TOX2: variants seen among roughly 807,000 people sequenced by gnomAD.
TOX2 encodes the protein TOX high mobility group box family member 2, also known as granulosa cell HMG box 1.
Under a neutral mutation model 47.4 loss-of-function variants are expected in TOX2, and 15 were observed. The observed-to-expected ratio is 0.32, with a 90% confidence interval of 0.21 to 0.49. TOX2 has a LOEUF of 0.49. Among genes scored for constraint, TOX2 ranks in the 20% least tolerant of loss-of-function variants. TOX2 has a pLI of 0.99. For missense variants in TOX2, 622 were observed against 673.1 expected, an observed-to-expected ratio of 0.92 and a Z score of 0.84; for synonymous variants, 290 against 296.6, an observed-to-expected ratio of 0.98 and a Z score of 0.23.
chr20:44,038,400 G>A (rs374527504), intron 3 of TOX2, among the ~76,000 whole-genome samples: 8 of 152,084 alleles, frequency 5.3e-5, no homozygotes, highest in Middle Eastern at 3.4e-3. Context: ...TTAAGGAGAC[G>A]TTTCTGAACC....
At chr20:43,946,026 G>A in intron 1 of TOX2, 1 of 1,614,040 alleles carries the variant, frequency 6.2e-7, no homozygotes, top group Non-Finnish European at 8.5e-7. Context: ...TTGCAGGTGT[G>A]TTTCCGCAGA....
chr20:43,970,346 T>C (rs2069943209), intron 1 of TOX2, among the ~76,000 whole-genome samples: 1 of 152,260 alleles, frequency 6.6e-6, no homozygotes, highest in Admixed American at 6.5e-5. Flanking sequence ...CCAGGAATAT[T>C]CATTCTGTCA....
At chr20:44,068,515 G>T (rs2071875545) in intron 8 of TOX2, 135 bp from the exon 9 acceptor site, 176 of 844,134 alleles carry the variant, frequency 2.1e-4, no homozygotes, top group East Asian at 3.6e-4. Context: ...ACTTGCAGAT[G>T]CAAGTCCCTC....
chr20:43,983,712 G>A (rs952880044), intron 2 of TOX2, among the ~76,000 whole-genome samples: 1 of 152,140 alleles, frequency 6.6e-6, no homozygotes, highest in Non-Finnish European at 1.5e-5. Context: ...TGATGATACC[G>A]ATGATCAATA....
chr20:44,052,918 C>T (rs543506996), intron 4 of TOX2, among the ~76,000 whole-genome samples: 13 of 152,182 alleles, frequency 8.5e-5, no homozygotes, highest in Admixed American at 3.3e-4. Context: ...GGTCACACCA[C>T]GGTGCTAACA....
At chr20:43,949,045 GTCC>G (rs1469712547) in intron 1 of TOX2, among the ~76,000 whole-genome samples, 1 of 152,140 alleles carries the variant, frequency 6.6e-6, no homozygotes, top group African/African-American at 2.4e-5. Flanking sequence ...TGATTTGCAT[GTCC>G]TCACCCCAGG....
chr20:44,052,331 A>T (rs8121153), intron 4 of TOX2, among the ~76,000 whole-genome samples: 2,048 of 152,292 alleles, frequency 0.013, 46 homozygotes, highest in African/African-American at 0.046. Flanking sequence ...ATCTTGTCTT[A>T]CCAGGGAGGA....
intron 1 of TOX2, among the ~76,000 whole-genome samples, chr20:43,955,635 T>G (rs2069654537): frequency 6.6e-6 from 1 of 152,212 alleles, no homozygotes; most frequent in South Asian, 2.1e-4. Flanking sequence ...TCCCTTGCCC[T>G]TGGCACTTTT....
At chr20:44,041,271 G>A (rs2071327376) in intron 3 of TOX2, among the ~76,000 whole-genome samples, 1 of 152,172 alleles carries the variant, frequency 6.6e-6, no homozygotes, top group Non-Finnish European at 1.5e-5. Flanking sequence ...TTCCCATTTG[G>A]CCACTTTTCT....
chr20:43,994,300 A>G, intron 2 of TOX2, among the ~76,000 whole-genome samples: 1 of 118,736 alleles, frequency 8.4e-6, no homozygotes, highest in Non-Finnish European at 1.8e-5. Flanking sequence ...ACCCATCTCT[A>G]CAAAAAAAAT....
rs149877478 is a variant in TOX2, at chr20:44,051,352, G to A, written c.458G>A (p.Arg153Gln). 1.7e-5 allele frequency: 27 copies of A among 1,613,190 alleles called. No homozygotes were observed. The highest frequency in any genetic ancestry group is 3.3e-4 in the Middle Eastern group (2 of 6,072). ...GAAGTGGCTGCCTATGACTCGGGCC[G>A]GCCCGGGCCCCTGCTGGGTCGCCCG... ...HSEVAAYDSG[R>Q]PGPLLGRPAM... Residue 153 changes from arginine (R) to glutamine (Q), a missense_variant, in exon 4 of 9, where the codon CGG (arginine) becomes CAG (glutamine). Coordinates refer to ENST00000341197, the MANE Select transcript of TOX2 (RefSeq NM_001098797.2).
intron 1 of TOX2, among the ~76,000 whole-genome samples, chr20:43,929,323 T>G (rs966481325): frequency 1.3e-5 from 2 of 152,174 alleles, no homozygotes; most frequent in African/African-American, 4.8e-5. Flanking sequence ...GTAGATAACA[T>G]CCAACTCCTT....
intron 5 of TOX2, among the ~76,000 whole-genome samples, chr20:44,061,834 C>T (rs936092882): frequency 4.6e-5 from 7 of 152,122 alleles, no homozygotes; most frequent in African/African-American, 1.4e-4. Context: ...TTAACATACA[C>T]GAGTCAATAA....
intron 1 of TOX2, among the ~76,000 whole-genome samples, chr20:43,960,030 A>G (rs537120904): frequency 9.2e-5 from 14 of 152,134 alleles, no homozygotes; most frequent in Non-Finnish European, 1.6e-4. Flanking sequence ...GGCAAGCTAC[A>G]TAACCTCCCT....
At chr20:43,978,158 T>C (rs894300583) in intron 2 of TOX2, among the ~76,000 whole-genome samples, 5 of 152,204 alleles carry the variant, frequency 3.3e-5, no homozygotes, top group Non-Finnish European at 5.9e-5. Flanking sequence ...GGCTGCTAAC[T>C]ATTCACAGCT....
rs118174904 is a variant in TOX2 at position 44,013,305 on chromosome 20, A to G, written c.411+6513A>G. On this transcript the variant is annotated intron_variant, in intron 3 of 8. Transcript: ENST00000341197. ...CCCCATTTTCTTCCTGTTCTGAACT[A>G]TTCCCCTCCAATCTCCTTTCTCTCT... Among the ~76,000 whole-genome samples the G allele has an allele frequency of 3.9e-4, 59 of 152,104 alleles. No homozygotes were observed. The East Asian group carries it at 0.01, about 27-fold the overall frequency.
chr20:44,011,810 C>T (rs1383956787), intron 3 of TOX2, among the ~76,000 whole-genome samples: 2 of 152,266 alleles, frequency 1.3e-5, no homozygotes, highest in African/African-American at 4.8e-5. Context: ...GCTCTGATCC[C>T]AGAGGCCACC....
At chr20:43,940,851 T>G (rs923254637) in intron 1 of TOX2, among the ~76,000 whole-genome samples, 2 of 152,166 alleles carry the variant, frequency 1.3e-5, no homozygotes, top group Non-Finnish European at 2.9e-5. Context: ...TTGCGTGAGA[T>G]TTGTTTAATA....
chr20:44,064,662 C>T, intron 5 of TOX2, 115 bp from the exon 6 acceptor site: 1 of 993,882 alleles, frequency 1.0e-6, no homozygotes, highest in Non-Finnish European at 1.5e-6. Flanking sequence ...GCTTCTGACC[C>T]CACCACCCTC....
Sources: gnomAD v4.1 joint callset for allele counts (sites outside exome capture counted in the v4.1 genomes callset) on GRCh38, gnomAD v4.1.1 for gene constraint, MANE v1.5 for transcripts, NCBI Gene and HGNC (gene_info 2026-07-23, HGNC 2026-07-21) for gene names.